Variants in CCDC172 observed in about 807,000 individuals in gnomAD.
CCDC172 encodes coiled-coil domain containing 172.
In CCDC172, 30 loss-of-function variants were observed where a neutral mutation model predicts 38.0. That is an observed-to-expected ratio of 0.79 (90% CI 0.59 to 1.07). The LOEUF (loss-of-function observed/expected upper bound fraction) is 1.07. CCDC172 is among the 50% of genes least tolerant of loss of function. The probability of loss-of-function intolerance (pLI) is 0.00; values close to 1 mark genes in which losing one functional copy is unlikely to be tolerated. For missense variants in CCDC172, 297 were observed against 290.1 expected, an observed-to-expected ratio of 1.02 and a Z score of -0.17; for synonymous variants, 78 against 88.3, an observed-to-expected ratio of 0.88 and a Z score of 0.66.
At chr10:116,325,526 G>C (rs1263190011) in intron 3 of CCDC172, 138 bp downstream of exon 3, 2 of 629,130 alleles carry the variant, frequency 3.2e-6, no homozygotes, top group Non-Finnish European at 5.5e-6. Context: ...TTAGTTCCAT[G>C]TTGCCTGGTG....
rs1239500932 is a variant in CCDC172, at chr10:116,343,538, A to AT, written c.448+1337_448+1338insT. Among the ~76,000 whole-genome samples, 227 of 149,008 alleles carry AT rather than the reference A, an allele frequency of 1.5e-3. 1 individual carries two copies. The highest frequency in any genetic ancestry group is 3.1e-3 in the African/African-American group (126 of 40,206). On this transcript the variant is annotated intron_variant, in intron 5 of 8. Transcript: ENST00000333254. ...TCGTTTTTTTTTTTTTTTTTAAAAA[A>AT]ATATATATAAAAGATAGCTTGCATT...
intron 7 of CCDC172, among the ~76,000 whole-genome samples, chr10:116,374,489 GGT>G (rs1491490426): frequency 7.3e-6 from 1 of 136,792 alleles, no homozygotes; most frequent in Non-Finnish European, 1.5e-5. Context: ...CTTTATCATA[GGT>G]ATATATATAT....
chr10:116,347,258 G>A lies in CCDC172; in HGVS notation c.448+5057G>A, dbSNP rs560262389. On this transcript the variant is annotated intron_variant, in intron 5 of 8. Coordinates refer to ENST00000333254, the MANE Select transcript of CCDC172 (RefSeq NM_198515.3). Reference sequence around the variant, plus strand: ...GCTTCATGAAAGATGGGCAGAACACGTTACTGAGTGGAGTTGACATCACCT... The same window carrying A: ...GCTTCATGAAAGATGGGCAGAACACATTACTGAGTGGAGTTGACATCACCT... Among the ~76,000 whole-genome samples the A allele has an allele frequency of 3.9e-5, 6 of 152,258 alleles. No individual in the cohort carries two copies. The East Asian group carries it at 7.7e-4, about 20-fold the overall frequency.
At position 116,378,402 on chromosome 10, in the gene CCDC172, TG is replaced by T; in HGVS notation, c.654-20del. 3 of 1,572,264 alleles carry T rather than the reference TG, an allele frequency of 1.9e-6. No homozygotes were observed. The highest frequency in any genetic ancestry group is 1.7e-4 in the Middle Eastern group (1 of 5,866). On this transcript the variant is annotated intron_variant, in intron 7 of 8. Transcript: ENST00000333254. ...TACAGTTTATTATTAAACTAACAGG[TG>T]AAATTTTCTTTTAAAATAGACTTAA...
intron 3 of CCDC172, among the ~76,000 whole-genome samples, chr10:116,328,666 A>C (rs1480795293): frequency 1.4e-5 from 2 of 144,386 alleles, no homozygotes; most frequent in Non-Finnish European, 3.2e-5. Flanking sequence ...TAATAAAAGA[A>C]TATTTCATGA....
intron 7 of CCDC172, among the ~76,000 whole-genome samples, chr10:116,374,809 A>C (rs945703158): frequency 6.6e-6 from 1 of 152,042 alleles, no homozygotes; most frequent in African/African-American, 2.4e-5. Context: ...TAAAAGACAG[A>C]TTATTACATT....
chr10:116,339,774 C>T (rs1844771400), intron 3 of CCDC172, among the ~76,000 whole-genome samples: 1 of 151,826 alleles, frequency 6.6e-6, no homozygotes, highest in African/African-American at 2.4e-5. Context: ...GTCTCTTAAG[C>T]CAACCCTTTT....
At chr10:116,354,106 A>G (rs1355931279) in intron 5 of CCDC172, among the ~76,000 whole-genome samples, 1 of 152,216 alleles carries the variant, frequency 6.6e-6, no homozygotes, top group African/African-American at 2.4e-5. Context: ...ATAAGATTAT[A>G]ATGGAGCTGA....
intron 4 of CCDC172, among the ~76,000 whole-genome samples, chr10:116,341,246 A>C (rs1333091633): frequency 1.3e-5 from 2 of 152,046 alleles, no homozygotes; most frequent in African/African-American, 4.8e-5. Context: ...AGCCTGAGCA[A>C]TAGTTTTGAA....
rs61102916 is a variant in CCDC172 at position 116,343,515 on chromosome 10, GTT to G, written c.448+1330_448+1331del. On this transcript the variant is annotated intron_variant, in intron 5 of 8. Transcript: ENST00000333254. ...TCCTATTTCCCTTCTCTGATCATTC[GTT>G]TTTTTTTTTTTTTTTAAAAAAATAT... Among the ~76,000 whole-genome samples, 519 of 133,122 alleles carry G rather than the reference GTT, an allele frequency of 3.9e-3. 1 individual carries two copies. The highest frequency in any genetic ancestry group is 0.024 in the Middle Eastern group (6 of 252). The allele number at this position is 133,122 out of a possible 152,430, so 87.3% of individuals were successfully genotyped here.
At chr10:116,337,348 C>T (rs1844744149) in intron 3 of CCDC172, among the ~76,000 whole-genome samples, 1 of 151,936 alleles carries the variant, frequency 6.6e-6, no homozygotes, top group South Asian at 2.1e-4. Context: ...AGGGGGATTT[C>T]ACCATGTTGG....
rs562410257 is a variant in CCDC172, at chr10:116,344,472, A to G, written c.448+2271A>G. 3.9e-5 allele frequency among the ~76,000 whole-genome samples: 6 copies of G among 152,320 alleles called. No homozygotes were observed. The South Asian group carries it at 1.2e-3, about 32-fold the overall frequency. On this transcript the variant is annotated intron_variant, in intron 5 of 8. Coordinates refer to ENST00000333254, the MANE Select transcript of CCDC172 (RefSeq NM_198515.3). ...AGAAAAGGTACAGCAAAAATACAGTATAAATGATTTTAAAAATCTCTATAG... is the reference window on the plus strand; with the variant it reads ...AGAAAAGGTACAGCAAAAATACAGTGTAAATGATTTTAAAAATCTCTATAG...
intron 5 of CCDC172, among the ~76,000 whole-genome samples, chr10:116,350,589 G>T (rs1283148422): frequency 6.6e-6 from 1 of 152,040 alleles, no homozygotes; most frequent in African/African-American, 2.4e-5. Flanking sequence ...CAAAATAATG[G>T]TTGTCATAAT....
chr10:116,361,639 T>C (rs1424268579), intron 7 of CCDC172, among the ~76,000 whole-genome samples: 1 of 152,170 alleles, frequency 6.6e-6, no homozygotes, highest in African/African-American at 2.4e-5. Context: ...GAAGAGCATA[T>C]TTGCAATGTA....
intron 7 of CCDC172, among the ~76,000 whole-genome samples, chr10:116,362,608 A>C (rs1484588666): frequency 6.6e-6 from 1 of 152,226 alleles, no homozygotes; most frequent in East Asian, 1.9e-4. Flanking sequence ...TGTTTTCAAC[A>C]ACAGAGAAGC....
intron 5 of CCDC172, among the ~76,000 whole-genome samples, chr10:116,348,953 C>A (rs1005167681): frequency 3.9e-5 from 6 of 152,078 alleles, no homozygotes; most frequent in African/African-American, 2.4e-5. Flanking sequence ...AGGTGAGTGG[C>A]GGGTGAGTGA....
intron 3 of CCDC172, among the ~76,000 whole-genome samples, chr10:116,329,942 G>A (rs73374913): frequency 0.11 from 16,908 of 152,110 alleles, 1,093 homozygotes; most frequent in East Asian, 0.21. Context: ...TCACATGGGT[G>A]GTACATCTAA....
intron 4 of CCDC172, among the ~76,000 whole-genome samples, chr10:116,341,185 T>C (rs990412973): frequency 2.6e-5 from 4 of 152,086 alleles, no homozygotes; most frequent in Admixed American, 2.6e-4. Context: ...TTTATGGATG[T>C]GGCTAAAAGG....
intron 7 of CCDC172, among the ~76,000 whole-genome samples, chr10:116,377,416 A>G (rs1429029397): frequency 1.3e-5 from 2 of 152,148 alleles, no homozygotes; most frequent in Non-Finnish European, 2.9e-5. Context: ...TCTCTCATAA[A>G]CTTTAACAAC....
Sources: gnomAD v4.1 joint callset for allele counts (sites outside exome capture counted in the v4.1 genomes callset) on GRCh38, gnomAD v4.1.1 for gene constraint, MANE v1.5 for transcripts, NCBI Gene and HGNC (gene_info 2026-07-23, HGNC 2026-07-21) for gene names.